Variants in MALRD1 observed in about 807,000 individuals in gnomAD.
The protein encoded by MALRD1 is MAM and LDL-receptor class A domain-containing protein 1.
MALRD1 carries 247 observed loss-of-function variants against 242.1 expected under a neutral mutation model. That is an observed-to-expected ratio of 1.02 (90% CI 0.92 to 1.13). MALRD1 has a LOEUF of 1.13. Among genes scored for constraint, MALRD1 ranks in the 50% most tolerant of loss-of-function variants. The pLI, the probability that MALRD1 is intolerant of heterozygous loss-of-function variation, is 0.00. For synonymous variants in MALRD1, 995 were observed against 866.6 expected (o/e 1.15, Z -2.60); for missense variants, 2,989 against 2,533.1 (o/e 1.18, Z -3.86).
chr10:19,112,731 A>T (rs1836721898), intron 5 of MALRD1, among the ~76,000 whole-genome samples: 2 of 152,198 alleles, frequency 1.3e-5, no homozygotes, highest in Non-Finnish European at 2.9e-5. Flanking sequence ...AAAACTGAAT[A>T]TTTAGCTTTT....
At chr10:19,539,755 C>T (rs908210765) in intron 32 of MALRD1, among the ~76,000 whole-genome samples, 5 of 151,476 alleles carry the variant, frequency 3.3e-5, no homozygotes, top group Non-Finnish European at 7.4e-5. Flanking sequence ...GGTGCAGTCT[C>T]CACTCACTGC....
At chr10:19,272,785 G>T (rs75495308) in intron 19 of MALRD1, among the ~76,000 whole-genome samples, 1 of 152,228 alleles carries the variant, frequency 6.6e-6, no homozygotes, top group East Asian at 1.9e-4. Flanking sequence ...TGTGGTGTTT[G>T]GTTTTCCGTT....
chr10:19,660,257 A>G (rs1841365534), intron 36 of MALRD1, among the ~76,000 whole-genome samples: 1 of 152,150 alleles, frequency 6.6e-6, no homozygotes, highest in Non-Finnish European at 1.5e-5. Flanking sequence ...CTCCCAGACA[A>G]TATTGATTTT....
intron 1 of MALRD1, among the ~76,000 whole-genome samples, chr10:19,064,882 T>G (rs1834924471): frequency 2.0e-5 from 3 of 152,036 alleles, no homozygotes. Flanking sequence ...TCATAGGTAG[T>G]GCACCTGGAG....
rs189325556 is a variant in MALRD1 at position 19,180,927 on chromosome 10, A to G, written c.1951+5599A>G. Among the ~76,000 whole-genome samples the G allele has an allele frequency of 2.0e-5, 3 of 152,338 alleles. No homozygotes were observed. In the East Asian group the frequency reaches 5.8e-4, roughly 29 times the overall value. On this transcript the variant is annotated intron_variant, in intron 14 of 39. Coordinates refer to ENST00000454679, the MANE Select transcript of MALRD1 (RefSeq NM_001142308.3). ...CTGAATAGACATTTCTCCACAGAAG[A>G]CATAAAAATAATCAACTGGTATATG... is the stretch of plus-strand genomic sequence containing the variant.
At chr10:19,289,428 A>C (rs1284711761) in intron 21 of MALRD1, among the ~76,000 whole-genome samples, 1 of 152,190 alleles carries the variant, frequency 6.6e-6, no homozygotes, top group Non-Finnish European at 1.5e-5. Context: ...AATTAGCATC[A>C]ATATATTTGT....
At chr10:19,223,422 A>AT (rs34473924) in intron 18 of MALRD1, among the ~76,000 whole-genome samples, 43 of 149,734 alleles carry the variant, frequency 2.9e-4, no homozygotes, top group East Asian at 5.9e-4. Context: ...CTTCTAAGCA[A>AT]TTTTTTTTTT....
chr10:19,431,607 A>G (rs1275461867), intron 28 of MALRD1, among the ~76,000 whole-genome samples: 1 of 152,190 alleles, frequency 6.6e-6, no homozygotes, highest in Non-Finnish European at 1.5e-5. Flanking sequence ...TTATTCATTT[A>G]TACCCAATGT....
intron 36 of MALRD1, among the ~76,000 whole-genome samples, chr10:19,659,486 A>G (rs1235578147): frequency 6.6e-6 from 1 of 152,150 alleles, no homozygotes; most frequent in Non-Finnish European, 1.5e-5. Flanking sequence ...TATATTCATT[A>G]CCACTGATAT....
chr10:19,398,291 C>A (rs943778242), intron 28 of MALRD1, among the ~76,000 whole-genome samples: 31 of 152,138 alleles, frequency 2.0e-4, no homozygotes, highest in African/African-American at 7.0e-4. Flanking sequence ...AGTTTTATAG[C>A]AATAGCTGCA....
intron 28 of MALRD1, among the ~76,000 whole-genome samples, chr10:19,426,077 T>C (rs1833894450): frequency 6.6e-6 from 1 of 152,198 alleles, no homozygotes; most frequent in African/African-American, 2.4e-5. Flanking sequence ...TTAACAGTCT[T>C]ATTAATGAGT....
At chr10:19,379,089 CT>C (rs1845728152) in intron 26 of MALRD1, among the ~76,000 whole-genome samples, 1 of 151,974 alleles carries the variant, frequency 6.6e-6, no homozygotes, top group Non-Finnish European at 1.5e-5. Context: ...TTGTTATAAA[CT>C]TGCTCATAAT....
intron 26 of MALRD1, among the ~76,000 whole-genome samples, chr10:19,360,699 A>T (rs1351901772): frequency 6.6e-6 from 1 of 152,120 alleles, no homozygotes; most frequent in Non-Finnish European, 1.5e-5. Flanking sequence ...AACACATAGT[A>T]AACAGCCTTA....
chr10:19,423,911 C>G (rs1406989511), intron 28 of MALRD1, among the ~76,000 whole-genome samples: 1 of 152,088 alleles, frequency 6.6e-6, no homozygotes, highest in African/African-American at 2.4e-5. Context: ...TGTCACAAGA[C>G]TAAATGGAGG....
chr10:19,463,398 CT>C lies in MALRD1; in HGVS notation c.5029+12909del, dbSNP rs1385931963. ...TGATACAATGCATCCTCTGCATCCT[CT>C]GCATCCTCATAGCTTAGCTCCCACT... is the stretch of plus-strand genomic sequence containing the variant. On this transcript the variant is annotated intron_variant, in intron 29 of 39. Coordinates refer to ENST00000454679, the MANE Select transcript of MALRD1 (RefSeq NM_001142308.3). 2.8e-3 allele frequency among the ~76,000 whole-genome samples: 428 copies of C among 151,748 alleles called. 14 individuals are homozygous for C. In the East Asian group the frequency reaches 0.053, roughly 19 times the overall value.
intron 32 of MALRD1, among the ~76,000 whole-genome samples, chr10:19,539,905 CGCGT>C (rs1434497451): frequency 2.9e-3 from 143 of 49,062 alleles, no homozygotes; most frequent in African/African-American, 8.6e-3. Flanking sequence ...TGTGCGCGCG[CGCGT>C]GCGCGCACAC....
chr10:19,597,699 T>C (rs1838164828), intron 34 of MALRD1, among the ~76,000 whole-genome samples: 1 of 152,136 alleles, frequency 6.6e-6, no homozygotes, highest in East Asian at 1.9e-4. Flanking sequence ...GTGCTATACA[T>C]TAGTGAAGGA....
chr10:19,514,989 T>C (rs1191434819), intron 31 of MALRD1, among the ~76,000 whole-genome samples: 1 of 152,156 alleles, frequency 6.6e-6, no homozygotes, highest in African/African-American at 2.4e-5. Context: ...TATCTGTCCA[T>C]TCCATCTACA....
chr10:19,309,362 A>G (rs375180532), intron 21 of MALRD1, among the ~76,000 whole-genome samples: 28 of 151,560 alleles, frequency 1.8e-4, no homozygotes, highest in African/African-American at 5.8e-4. Context: ...TTTATAAAAG[A>G]TGGGAGGGAA....
Sources: gnomAD v4.1 joint callset for allele counts (sites outside exome capture counted in the v4.1 genomes callset) on GRCh38, gnomAD v4.1.1 for gene constraint, MANE v1.5 for transcripts, NCBI Gene and HGNC (gene_info 2026-07-23, HGNC 2026-07-21) for gene names.